NAV3: variants seen among roughly 807,000 people sequenced by gnomAD.
NAV3 encodes pore membrane and/or filament interacting like protein 1.
NAV3 carries 87 observed loss-of-function variants against 244.7 expected under a neutral mutation model. That is an observed-to-expected ratio of 0.36 (90% CI 0.30 to 0.42). NAV3 has a LOEUF of 0.42. NAV3 is among the 20% of genes least tolerant of loss of function. NAV3 has a pLI of 1.00. For synonymous variants in NAV3, 1,126 were observed against 1,042.2 expected (o/e 1.08, Z -1.55); for missense variants, 2,663 against 2,893.3 (o/e 0.92, Z 1.83).
intron 1 of NAV3, among the ~76,000 whole-genome samples, chr12:77,912,327 A>G (rs1341137571): frequency 6.6e-6 from 1 of 152,142 alleles, no homozygotes; most frequent in African/African-American, 2.4e-5. Context: ...GCAGAGAATG[A>G]AGCCATGTGT....
At chr12:78,083,229 C>A (rs1953451976) in intron 12 of NAV3, among the ~76,000 whole-genome samples, 1 of 152,148 alleles carries the variant, frequency 6.6e-6, no homozygotes, top group African/African-American at 2.4e-5. Flanking sequence ...CCTACTCACA[C>A]ACTAACCCAC....
chr12:77,821,362 T>C (rs1326209544), intron 2 of NAV3, among the ~76,000 whole-genome samples: 4 of 152,154 alleles, frequency 2.6e-5, no homozygotes, highest in Admixed American at 6.6e-5. Flanking sequence ...TGTTAAAATA[T>C]AAGAATAAAG....
intron 3 of NAV3, among the ~76,000 whole-genome samples, chr12:77,961,484 T>C (rs983362305): frequency 7.9e-6 from 1 of 126,052 alleles, no homozygotes; most frequent in African/African-American, 3.0e-5. Context: ...CTATTACATG[T>C]ATGAGACATA....
At chr12:77,884,778 A>G (rs1253121934) in intron 1 of NAV3, among the ~76,000 whole-genome samples, 3 of 152,102 alleles carry the variant, frequency 2.0e-5, no homozygotes, top group African/African-American at 7.2e-5. Context: ...GGTATTCCTT[A>G]ATCCACTCAA....
At chr12:78,149,911 G>A (rs420005) in intron 22 of NAV3, among the ~76,000 whole-genome samples, 106,174 of 151,898 alleles carry the variant, frequency 0.7, 37,384 homozygotes, top group African/African-American at 0.75. Flanking sequence ...TTTCATTCAC[G>A]ATGTATTCAT....
At chr12:77,656,049 C>T (rs1873085262) in intron 2 of NAV3, among the ~76,000 whole-genome samples, 1 of 151,078 alleles carries the variant, frequency 6.6e-6, no homozygotes, top group Non-Finnish European at 1.5e-5. Context: ...ACTGCATCAA[C>T]TAACGAGCAG....
intron 1 of NAV3, among the ~76,000 whole-genome samples, chr12:77,899,453 A>G (rs1170839038): frequency 2.0e-5 from 3 of 152,242 alleles, no homozygotes; most frequent in Non-Finnish European, 4.4e-5. Flanking sequence ...ACTTCCAACC[A>G]GCAAGAAGAT....
rs762130643 is a variant in NAV3 at position 78,050,102 on chromosome 12, GT to G, written c.2132+8del. 8 of 1,595,146 alleles carry G rather than the reference GT, an allele frequency of 5.0e-6. No individual in the cohort carries two copies. In the African/African-American group the frequency reaches 5.4e-5, roughly 11 times the overall value. On this transcript the variant is annotated splice_donor_variant, in intron 10 of 39. Coordinates refer to ENST00000397909, the MANE Select transcript of NAV3 (RefSeq NM_001024383.2). LOFTEE classifies it high-confidence loss of function. Reference sequence around the variant, plus strand: ...TTCGTGGGACTCAGATAAGCCACAGGTTTTTTTCAATTTTGCATATATTTGA... The same window carrying G: ...TTCGTGGGACTCAGATAAGCCACAGGTTTTTTCAATTTTGCATATATTTGA...
At position 78,119,294 on chromosome 12, in the gene NAV3, C is replaced by T. The variant is rs1330197721; in HGVS notation, c.3098C>T (p.Ser1033Phe). The T allele has an allele frequency of 2.5e-6, 4 of 1,614,218 alleles. No homozygotes were observed. Among genetic ancestry groups the T allele is most frequent in the South Asian group, 1.1e-5 (1 of 91,092 alleles). The change falls in exon 15 of 40, where the codon TCT becomes TTT. Residue 1033 changes from serine (S) to phenylalanine (F), a missense_variant. By Grantham distance (155) the Ser-to-Phe change is radical (BLOSUM62 -2). Transcript: ENST00000397909. ...GGAAAAGCTCCCCTAAAAGGATCAT[C>T]TCTACAAAGATCTCCTTCAGATGCA... ...EKGKAPLKGS[S>F]LQRSPSDAGK...
At chr12:77,969,882 A>T (rs1302345205) in intron 5 of NAV3, among the ~76,000 whole-genome samples, 2 of 152,150 alleles carry the variant, frequency 1.3e-5, no homozygotes, top group African/African-American at 4.8e-5. Flanking sequence ...TTGAATCAAG[A>T]TCACCCAGAT....
At chr12:78,001,233 A>G (rs1873242689) in intron 7 of NAV3, among the ~76,000 whole-genome samples, 1 of 152,180 alleles carries the variant, frequency 6.6e-6, no homozygotes, top group Non-Finnish European at 1.5e-5. Flanking sequence ...GAAAGTACTA[A>G]CTTGAATATT....
chr12:78,032,229 C>T (rs917182379), intron 9 of NAV3, among the ~76,000 whole-genome samples: 1 of 152,118 alleles, frequency 6.6e-6, no homozygotes, highest in Non-Finnish European at 1.5e-5. Flanking sequence ...AAAGAGCAAA[C>T]TTGAGTGGTT....
intron 14 of NAV3, 89 bp from the exon 15 acceptor site, chr12:78,119,145 AAAG>A (rs1330151506): frequency 8.4e-7 from 1 of 1,196,814 alleles, no homozygotes; most frequent in African/African-American, 1.5e-5. Flanking sequence ...GAAATAATAT[AAAG>A]AAGCATTCAC....
chr12:77,851,663 A>G (rs367968522), intron 1 of NAV3, among the ~76,000 whole-genome samples: 2 of 152,312 alleles, frequency 1.3e-5, no homozygotes, highest in African/African-American at 4.8e-5. Context: ...AAAAAATGCT[A>G]TGCTATTATC....
intron 2 of NAV3, among the ~76,000 whole-genome samples, chr12:77,667,610 G>C (rs796459999): frequency 8.5e-5 from 13 of 152,170 alleles, no homozygotes; most frequent in African/African-American, 2.6e-4. Flanking sequence ...GCCTCACCCA[G>C]GGAGACTCTG....
intron 9 of NAV3, among the ~76,000 whole-genome samples, chr12:78,029,179 CAA>C (rs149050506): frequency 0.12 from 15,698 of 128,660 alleles, 909 homozygotes; most frequent in Admixed American, 0.21. Flanking sequence ...CTACCTATTC[CAA>C]AAAAAAAAAA....
chr12:77,611,035 C>T (rs1870890657), intron 2 of NAV3, among the ~76,000 whole-genome samples: 1 of 150,508 alleles, frequency 6.6e-6, no homozygotes, highest in Non-Finnish European at 1.5e-5. Context: ...CTGTTTAGCT[C>T]TGCTTAATAG....
At chr12:77,824,057 G>T (rs1872858725) in intron 2 of NAV3, among the ~76,000 whole-genome samples, 1 of 151,906 alleles carries the variant, frequency 6.6e-6, no homozygotes, top group South Asian at 2.1e-4. Context: ...GAAGTTATGT[G>T]AATGCAAAAT....
chr12:77,945,823 C>T (rs2137555834), intron 3 of NAV3, among the ~76,000 whole-genome samples: 1 of 152,014 alleles, frequency 6.6e-6, no homozygotes, highest in East Asian at 1.9e-4. Context: ...TCGTGGCTCA[C>T]TGCAACCTCC....
Sources: allele counts gnomAD v4.1 joint callset (sites outside exome capture counted in the v4.1 genomes callset), GRCh38; gene constraint gnomAD v4.1.1; transcripts MANE v1.5; gene names NCBI Gene and HGNC (gene_info 2026-07-23, HGNC 2026-07-21).